AGFG1: variants seen among roughly 807,000 people sequenced by gnomAD.
The protein encoded by AGFG1 is ArfGAP with FG repeats 1.
A neutral mutation model predicts 60.6 loss-of-function variants in AGFG1; 10 were observed. The observed-to-expected ratio is 0.16, with a 90% CI of 0.10 to 0.28. The LOEUF is 0.28. Among genes scored for constraint, AGFG1 ranks in the 10% least tolerant of loss-of-function variants. The pLI is 1.00. For synonymous variants in AGFG1, 247 were observed against 242.9 expected (o/e 1.02, Z -0.16); for missense variants, 537 against 676.5 (o/e 0.79, Z 2.29).
chr2:227,474,681 A>G (rs183170561), intron 1 of AGFG1, among the ~76,000 whole-genome samples: 1 of 152,352 alleles, frequency 6.6e-6, no homozygotes, highest in Admixed American at 6.5e-5. Flanking sequence ...CTTTCTGTGA[A>G]TGAGATAGCC....
intron 10 of AGFG1, among the ~76,000 whole-genome samples, chr2:227,538,926 C>T (rs772345458): frequency 6.6e-5 from 10 of 152,076 alleles, no homozygotes; most frequent in Non-Finnish European, 8.8e-5. Flanking sequence ...ATGTTTATTT[C>T]AAGGTAATAC....
intron 11 of AGFG1, among the ~76,000 whole-genome samples, chr2:227,553,344 A>G (rs1472798839): frequency 1.3e-5 from 2 of 152,086 alleles, no homozygotes; most frequent in African/African-American, 4.8e-5. Flanking sequence ...AAAAATACAA[A>G]AATTAGCTGG....
rs779323191 is a variant in AGFG1, at chr2:227,552,458, AT to A, written c.1537+350del. 7.7e-4 allele frequency among the ~76,000 whole-genome samples: 116 copies of A among 151,312 alleles called. 1 individual carries two copies. Among genetic ancestry groups the A allele is most frequent in the African/African-American group, 2.7e-3 (110 of 41,276 alleles). ...GAATTTATAGACCTAGAATGTTGGG[AT>A]TTTTTTTTCCTTTCAGGACAGAAAT... On this transcript the variant is annotated intron_variant, in intron 11 of 12. Coordinates refer to ENST00000310078, the MANE Select transcript of AGFG1 (RefSeq NM_004504.5).
chr2:227,553,866 G>A (rs1201792492), intron 12 of AGFG1, 71 bp downstream of exon 12: 1 of 1,146,038 alleles, frequency 8.7e-7, no homozygotes, highest in Non-Finnish European at 1.3e-6. Flanking sequence ...ATAGCAGGAT[G>A]TTAATATTCC....
chr2:227,500,634 A>G (rs946112528), intron 2 of AGFG1, among the ~76,000 whole-genome samples: 1 of 152,224 alleles, frequency 6.6e-6, no homozygotes, highest in African/African-American at 2.4e-5. Flanking sequence ...AAAATTATAC[A>G]GGTACAATAA....
At chr2:227,543,564 T>G (rs1692555312) in intron 10 of AGFG1, among the ~76,000 whole-genome samples, 1 of 152,232 alleles carries the variant, frequency 6.6e-6, no homozygotes, top group South Asian at 2.1e-4. Context: ...TGAAGAGTGC[T>G]TTACTTCCAA....
chr2:227,498,074 T>A (rs1439178936), intron 2 of AGFG1, among the ~76,000 whole-genome samples: 1 of 152,164 alleles, frequency 6.6e-6, no homozygotes, highest in Non-Finnish European at 1.5e-5. Flanking sequence ...AGGTAGTATA[T>A]AGGAAAACAT....
intron 4 of AGFG1, among the ~76,000 whole-genome samples, chr2:227,524,351 C>T (rs896654718): frequency 1.3e-5 from 2 of 152,102 alleles, no homozygotes; most frequent in Non-Finnish European, 2.9e-5. Context: ...GATTGTGAAG[C>T]ATGTTGATCA....
rs1305586555 is a variant in AGFG1, at chr2:227,556,649, A to G, written c.*2154A>G. Reference sequence around the variant, plus strand: ...GGCTTTCCATCTGAATAGTAAATTAAACAGTTGTTATCAAAATGATTTTAA... The same window carrying G: ...GGCTTTCCATCTGAATAGTAAATTAGACAGTTGTTATCAAAATGATTTTAA... On this transcript the variant is annotated 3_prime_UTR_variant, in exon 13 of 13. Coordinates refer to ENST00000310078, the MANE Select transcript of AGFG1 (RefSeq NM_004504.5). 1.3e-5 allele frequency: 2 copies of G among 152,658 alleles called. No homozygotes were observed. The highest frequency in any genetic ancestry group is 6.5e-5 in the Admixed American group (1 of 15,274). The allele number at this position is 152,658 out of a possible 1,614,324, so 9.5% of individuals were successfully genotyped here.
intron 2 of AGFG1, among the ~76,000 whole-genome samples, chr2:227,497,145 G>A (rs530363806): frequency 7.1e-4 from 108 of 151,468 alleles, no homozygotes; most frequent in Non-Finnish European, 1.4e-3. Flanking sequence ...GCATATCCTT[G>A]TTTGAAATTC....
chr2:227,533,601 C>G lies in AGFG1; in HGVS notation c.867C>G (p.Pro289=). The change falls in exon 7 of 13, where the codon CCC becomes CCG. Residue 289 remains proline, a synonymous_variant. Transcript: ENST00000310078. ...ATTTTGCTCATTTTGATAACTTCCC[C>G]AAATCCTCCAGTGCTGATTTTGGAA... The part of the protein sequence containing the change: ...NANFAHFDNF[P]KSSSADFGTF... The G allele has an allele frequency of 1.2e-6, 2 of 1,613,752 alleles. No homozygotes were observed. The highest frequency in any genetic ancestry group is 1.7e-6 in the Non-Finnish European group (2 of 1,179,772).
chr2:227,481,413 A>C (rs765746763), intron 1 of AGFG1, among the ~76,000 whole-genome samples: 1 of 152,002 alleles, frequency 6.6e-6, no homozygotes, highest in Non-Finnish European at 1.5e-5. Flanking sequence ...CTGTTAAGGA[A>C]CTGGAGAGTC....
At chr2:227,509,689 A>G (rs956630795) in intron 2 of AGFG1, among the ~76,000 whole-genome samples, 2 of 152,096 alleles carry the variant, frequency 1.3e-5, no homozygotes, top group African/African-American at 4.8e-5. Context: ...TCCACTATCA[A>G]CTTTTCTGTA....
rs969699217 is a variant in AGFG1 at position 227,558,741 on chromosome 2, A to T, written c.*4246A>T. ...TTTAACAACCATCTTTCATGAAAGA[A>T]AAAAGGCCCTGTTTTGTAGCATTTA... is the stretch of plus-strand genomic sequence containing the variant. On this transcript the variant is annotated 3_prime_UTR_variant, in exon 13 of 13. Transcript: ENST00000310078. 5.3e-5 allele frequency: 8 copies of T among 152,178 alleles called. No homozygotes were observed. The highest frequency in any genetic ancestry group is 1.9e-4 in the African/African-American group (8 of 41,450). 9.4% of individuals were successfully genotyped at this position (152,178 alleles called of 1,614,324 possible). A position where few individuals can be genotyped will look rare whatever the true frequency, so the allele number is the denominator to read the frequency against.
intron 1 of AGFG1, among the ~76,000 whole-genome samples, chr2:227,481,835 T>C (rs1480985586): frequency 6.6e-6 from 1 of 151,746 alleles, no homozygotes; most frequent in Non-Finnish European, 1.5e-5. Flanking sequence ...GGTTTGGGCA[T>C]GTGAAGAGAT....
intron 6 of AGFG1, 54 bp downstream of exon 6, chr2:227,531,264 C>G: frequency 6.4e-7 from 1 of 1,569,244 alleles, no homozygotes; most frequent in Non-Finnish European, 8.6e-7. Flanking sequence ...ACAAAACTCT[C>G]TAAATGTAGT....
chr2:227,532,424 T>C (rs2106219472), intron 6 of AGFG1, among the ~76,000 whole-genome samples: 1 of 152,290 alleles, frequency 6.6e-6, no homozygotes. Flanking sequence ...TAATATTCTT[T>C]ATATAAATTT....
At chr2:227,501,444 C>T (rs2106182734) in intron 2 of AGFG1, among the ~76,000 whole-genome samples, 1 of 152,324 alleles carries the variant, frequency 6.6e-6, no homozygotes, top group Admixed American at 6.5e-5. Context: ...AATTTACATA[C>T]AGTGAAACTT....
rs1355830129 is a variant in AGFG1, at chr2:227,531,092, T to G, written c.696T>G (p.Ala232=). 6.2e-7 allele frequency: 1 copy of G among 1,611,710 alleles called. No individual in the cohort carries two copies. The highest frequency in any genetic ancestry group is 8.5e-7 in the Non-Finnish European group (1 of 1,178,550). Residue 232 remains alanine (A), a splice_region_variant and synonymous_variant, in exon 6 of 13, where the codon GCT becomes GCG. Transcript: ENST00000310078. ...TATGTTGTTCCTTACCATTTACAGC[T>G]CAGAATTCTGCAAATGCAGATTTTG... ...ANFAHFNSHA[A]QNSANADFAN...
Sources: allele counts gnomAD v4.1 joint callset (sites outside exome capture counted in the v4.1 genomes callset), GRCh38; gene constraint gnomAD v4.1.1; transcripts MANE v1.5; gene names NCBI Gene and HGNC (gene_info 2026-07-23, HGNC 2026-07-21).